The following ARID1A variants were observed in gnomAD, a reference collection of about 807,000 sequenced individuals.
ARID1A encodes the protein AT-rich interaction domain 1A.
ARID1A carries 20 observed loss-of-function variants against 212.6 expected under a neutral mutation model. That is an observed-to-expected ratio of 0.09 (90% CI 0.07 to 0.14). The LOEUF (loss-of-function observed/expected upper bound fraction) is 0.14. Ranked by LOEUF, ARID1A falls within the 10% of genes least tolerant of loss-of-function variation. ARID1A has a pLI of 1.00. For synonymous variants in ARID1A, 1,376 were observed against 1,222.1 expected (o/e 1.13, Z -2.63); for missense variants, 2,587 against 3,059.0 (o/e 0.85, Z 3.64).
At chr1:26,758,932 CTT>C (rs1230077406) in intron 4 of ARID1A, among the ~76,000 whole-genome samples, 1 of 152,228 alleles carries the variant, frequency 6.6e-6, no homozygotes, top group Admixed American at 6.5e-5. Context: ...TCAGAGCAAA[CTT>C]TGTCTCCAAG....
chr1:26,726,832 T>G (rs948525658), intron 1 of ARID1A, among the ~76,000 whole-genome samples: 6 of 152,244 alleles, frequency 3.9e-5, no homozygotes, highest in African/African-American at 1.2e-4. Flanking sequence ...AACTAAGTGT[T>G]AAATCTTAGG....
intron 7 of ARID1A, 133 bp downstream of exon 7, chr1:26,762,452 C>A: frequency 9.7e-7 from 1 of 1,027,816 alleles, no homozygotes; most frequent in Non-Finnish European, 1.3e-6. Context: ...CCAGCCCAGG[C>A]CCTGAAGTAG....
intron 1 of ARID1A, among the ~76,000 whole-genome samples, chr1:26,710,341 GGA>G (rs1053963089): frequency 6.6e-6 from 1 of 151,578 alleles, no homozygotes; most frequent in African/African-American, 2.4e-5. Context: ...GGTTGAGGCA[GGA>G]GAATCGCTTG....
At chr1:26,727,980 CT>C (rs2080634207) in intron 1 of ARID1A, 1 of 152,168 alleles carries the variant, frequency 6.6e-6, no homozygotes, top group Non-Finnish European at 1.5e-5. Flanking sequence ...TAAATTCGAA[CT>C]TCCTAAGTAA....
chr1:26,779,475 C>G lies in ARID1A; in HGVS notation c.5577C>G (p.Phe1859Leu), dbSNP rs140358624. ...GDTTEHIQTH[F>L]ESKTELLPSR... ...CCACTGAGCATATCCAGACCCACTT[C>G]GAGAGCAAGACAGAGCTGCTGCCTT... The change falls in exon 20 of 20, where the codon TTC (phenylalanine) becomes TTG (leucine). Residue 1859 changes from phenylalanine (F) to leucine (L), a missense_variant. Around this residue, in one of 11 missense-constraint regions of ARID1A, gnomAD observed 890 missense variants for 1,098.2 expected, o/e 0.81. Coordinates refer to ENST00000324856, the MANE Select transcript of ARID1A (RefSeq NM_006015.6). The G allele has an allele frequency of 1.2e-6, 2 of 1,614,130 alleles. No homozygotes were observed. Among genetic ancestry groups the G allele is most frequent in the Non-Finnish European group, 8.5e-7 (1 of 1,180,026 alleles).
At chr1:26,754,886 A>C (rs1489466300) in intron 4 of ARID1A, among the ~76,000 whole-genome samples, 1 of 152,220 alleles carries the variant, frequency 6.6e-6, no homozygotes, top group Non-Finnish European at 1.5e-5. Context: ...TGGGAGGCCA[A>C]GGTAGGAGGA....
chr1:26,764,385 T>C (rs549299141), intron 8 of ARID1A: 2 of 152,300 alleles, frequency 1.3e-5, no homozygotes, highest in South Asian at 2.1e-4. Context: ...CAGTCAACTT[T>C]TTGGTTTCCA....
chr1:26,707,675 C>A (rs1307479634), intron 1 of ARID1A, among the ~76,000 whole-genome samples: 2 of 152,110 alleles, frequency 1.3e-5, no homozygotes, highest in Non-Finnish European at 2.9e-5. Flanking sequence ...GGCCACCATG[C>A]ATTTGAGTAC....
At position 26,696,457 on chromosome 1, in the gene ARID1A, G is replaced by A. The variant is rs1488028736; in HGVS notation, c.54G>A (p.Pro18=). 3.9e-6 allele frequency: 5 copies of A among 1,289,520 alleles called. No homozygotes were observed. The highest frequency in any genetic ancestry group is 3.8e-5 in the Admixed American group (1 of 26,492). The allele number at this position is 1,289,520 out of a possible 1,614,324, so 79.9% of individuals were successfully genotyped here. A position where few individuals can be genotyped will look rare whatever the true frequency, so the allele number is the denominator to read the frequency against. ...AAASSLGNPP[P]PPPSELKKAE... ...CCAGCAGCCTGGGCAACCCGCCGCC[G>A]CCGCCGCCCTCGGAGCTGAAGAAAG... Residue 18 remains proline, a synonymous_variant, in exon 1 of 20, where the codon CCG becomes CCA. Coordinates refer to ENST00000324856, the MANE Select transcript of ARID1A (RefSeq NM_006015.6).
At chr1:26,703,865 G>T (rs1173724515) in intron 1 of ARID1A, among the ~76,000 whole-genome samples, 1 of 152,218 alleles carries the variant, frequency 6.6e-6, no homozygotes, top group Non-Finnish European at 1.5e-5. Context: ...GCATGCTTAT[G>T]TGCACACATC....
In ARID1A at chr1:26,779,592, A is replaced by G. The variant is rs1194057825; in HGVS notation, c.5694A>G (p.Pro1898=). 6.2e-7 allele frequency: 1 copy of G among 1,614,040 alleles called. No individual in the cohort carries two copies. The highest frequency in any genetic ancestry group is 1.7e-5 in the Admixed American group (1 of 60,006). ...TPGTTDQEGP[P]PDGPPEKRIT... ...GGACAACAGACCAGGAGGGGCCCCC[A>G]CCTGATGGACCTCCAGAAAAACGGA... is the stretch of plus-strand genomic sequence containing the variant. The change falls in exon 20 of 20, where the codon CCA becomes CCG. Residue 1898 remains proline, a synonymous_variant. Coordinates refer to ENST00000324856, the MANE Select transcript of ARID1A (RefSeq NM_006015.6).
rs1342376116 is a variant in ARID1A, at chr1:26,696,438, G to T, written c.35G>T (p.Ser12Ile). The part of the protein sequence containing the change: ...AAQVAPAAAS[S>I]LGNPPPPPPS... ...CAGGTCGCCCCCGCCGCCGCCAGCA[G>T]CCTGGGCAACCCGCCGCCGCCGCCG... The change falls in exon 1 of 20, where the codon AGC becomes ATC. Residue 12 changes from serine (S) to isoleucine (I), a missense_variant. By Grantham distance (142) the Ser-to-Ile change is moderately radical. Around this residue, in one of 11 missense-constraint regions of ARID1A, gnomAD observed 735 missense variants for 590.6 expected, o/e 1.24. Coordinates refer to ENST00000324856, the MANE Select transcript of ARID1A (RefSeq NM_006015.6). The T allele has an allele frequency of 7.7e-7, 1 of 1,292,480 alleles. No homozygotes were observed. Among genetic ancestry groups the T allele is most frequent in the Non-Finnish European group, 9.8e-7 (1 of 1,021,120 alleles). The allele number at this position is 1,292,480 out of a possible 1,614,324, so 80.1% of individuals were successfully genotyped here.
At chr1:26,723,640 G>A (rs1423438629) in intron 1 of ARID1A, among the ~76,000 whole-genome samples, 1 of 152,026 alleles carries the variant, frequency 6.6e-6, no homozygotes. Flanking sequence ...TCGAGTTTAT[G>A]CAGATTAGCC....
intron 1 of ARID1A, among the ~76,000 whole-genome samples, chr1:26,704,293 T>G (rs1215920542): frequency 6.6e-6 from 1 of 152,176 alleles, no homozygotes; most frequent in Non-Finnish European, 1.5e-5. Flanking sequence ...ATTTGGAAGG[T>G]CATGTCACCT....
intron 4 of ARID1A, among the ~76,000 whole-genome samples, chr1:26,736,332 A>G (rs887176832): frequency 1.4e-5 from 2 of 144,824 alleles, no homozygotes; most frequent in Non-Finnish European, 3.0e-5. Flanking sequence ...CAAAAAAAAA[A>G]AAAAAAAAAA....
chr1:26,757,981 G>A (rs563716102), intron 4 of ARID1A, among the ~76,000 whole-genome samples: 1 of 152,162 alleles, frequency 6.6e-6, no homozygotes, highest in Non-Finnish European at 1.5e-5. Context: ...CCAAGTTCTC[G>A]TCTGATGGAT....
At position 26,697,275 on chromosome 1, in the gene ARID1A, C is replaced by G; in HGVS notation, c.872C>G (p.Ala291Gly). ...AAGGGTPQPT[A>G]TPTLNQLLTS... is the part of the protein sequence containing the mutation. The stretch of plus-strand genomic sequence containing the variant: ...GGCGGGGGAACTCCCCAGCCCACCG[C>G]CACCCCCACCCTCAACCAACTGCTC... Residue 291 changes from alanine (A) to glycine (G), a missense_variant, in exon 1 of 20, where the codon GCC becomes GGC. Physicochemically the swap from Ala to Gly is moderately conservative, Grantham distance 60. Coordinates refer to ENST00000324856, the MANE Select transcript of ARID1A (RefSeq NM_006015.6). The G allele has an allele frequency of 7.3e-7, 1 of 1,364,460 alleles. No individual in the cohort carries two copies. Among genetic ancestry groups the G allele is most frequent in the South Asian group, 1.8e-5 (1 of 55,430 alleles). 84.5% of individuals were successfully genotyped at this position (1,364,460 alleles called of 1,614,324 possible).
At chr1:26,697,660 C>G in intron 1 of ARID1A, 120 bp downstream of exon 1, 1 of 977,498 alleles carries the variant, frequency 1.0e-6, no homozygotes. Context: ...TGCTGGGGAG[C>G]TGCCATTGTC....
chr1:26,756,163 G>GGC (rs1359941786), intron 4 of ARID1A, among the ~76,000 whole-genome samples: 2 of 152,020 alleles, frequency 1.3e-5, no homozygotes, highest in Non-Finnish European at 2.9e-5. Flanking sequence ...TGTAATCCCA[G>GGC]AACGTTAGGA....
Sources: gnomAD v4.1 joint callset for allele counts (sites outside exome capture counted in the v4.1 genomes callset) on GRCh38, gnomAD v4.1.1 for gene constraint, gnomAD v4.1.1 regional missense constraint, MANE v1.5 for transcripts, NCBI Gene and HGNC (gene_info 2026-07-23, HGNC 2026-07-21) for gene names.